The following REPS2 variants were observed in gnomAD, a reference collection of about 807,000 sequenced individuals.
The protein encoded by REPS2 is RALBP1 associated Eps domain containing 2, also known as ralBP1-associated Eps domain-containing protein 2.
In REPS2, 23 loss-of-function variants were observed where a neutral mutation model predicts 53.6. The observed-to-expected ratio is 0.43, with a 90% confidence interval of 0.31 to 0.61. The LOEUF (loss-of-function observed/expected upper bound fraction) is 0.61, where lower values mean the gene tolerates loss of function less well. Ranked by LOEUF, REPS2 falls within the 20% of genes least tolerant of loss-of-function variation. The pLI is 0.11. For missense variants in REPS2, 446 were observed against 534.9 expected (o/e 0.83, Z 1.64); for synonymous variants, 238 against 218.6 (o/e 1.09, Z -0.78).
chrX:17,064,166 C>G lies in REPS2; in HGVS notation c.1209+1634C>G, dbSNP rs139002965. 3.5e-4 allele frequency among the ~76,000 whole-genome samples: 38 copies of G among 109,537 alleles called. 1 individual carries two copies. The East Asian group carries it at 9.8e-3, about 28-fold the overall frequency. ...ACAACAACAAAAAATCCCCTCTTTT[C>G]CAACCAAATTGTTATTTTTGAGGAT... On this transcript the variant is annotated intron_variant, in intron 9 of 17. Coordinates refer to ENST00000357277, the MANE Select transcript of REPS2 (RefSeq NM_004726.3).
chrX:17,085,078 C>T (rs1463234936), intron 13 of REPS2, among the ~76,000 whole-genome samples: 3 of 112,040 alleles, frequency 2.7e-5, no homozygotes, highest in Non-Finnish European at 5.6e-5. Flanking sequence ...AGTCCAAATT[C>T]ATTTTTCTGC....
chrX:17,029,737 C>T, intron 5 of REPS2, 114 bp downstream of exon 5: 1 of 474,172 alleles, frequency 2.1e-6, no homozygotes. Flanking sequence ...AAAACTGATC[C>T]TTCATGCAAA....
chrX:16,956,771 G>A (rs1342485814), intron 1 of REPS2, among the ~76,000 whole-genome samples: 1 of 112,480 alleles, frequency 8.9e-6, no homozygotes, highest in African/African-American at 3.2e-5. Flanking sequence ...GAAGGACAAG[G>A]CCCTCTGGAG....
chrX:16,991,867 G>A (rs1255351440), intron 1 of REPS2, among the ~76,000 whole-genome samples: 1 of 111,678 alleles, frequency 9.0e-6, no homozygotes, highest in African/African-American at 3.3e-5. Context: ...CAAGAAGCCA[G>A]GTGAGACACA....
chrX:16,994,139 A>G (rs891162299), intron 1 of REPS2, among the ~76,000 whole-genome samples: 1 of 112,576 alleles, frequency 8.9e-6, no homozygotes, highest in African/African-American at 3.2e-5. Context: ...ACAATCATCT[A>G]CTGTTCTTGC....
the REPS2 span, among the ~76,000 whole-genome samples, chrX:17,164,995 G>A: frequency 9.1e-6 from 1 of 110,270 alleles, no homozygotes; most frequent in Admixed American, 9.7e-5. Flanking sequence ...TTTTCTGCAG[G>A]GGTTATTTCT....
chrX:17,087,990 AAGAT>A (rs931664258), intron 13 of REPS2, among the ~76,000 whole-genome samples: 20 of 109,782 alleles, frequency 1.8e-4, no homozygotes, highest in South Asian at 1.6e-3. Flanking sequence ...AAAGATACAT[AAGAT>A]AGATAGATAG....
chrX:16,951,334 G>A (rs1334761321), intron 1 of REPS2, among the ~76,000 whole-genome samples: 1 of 111,472 alleles, frequency 9.0e-6, no homozygotes, highest in Non-Finnish European at 1.9e-5. Flanking sequence ...AGTCAGCACA[G>A]GGAAATAAAT....
At chrX:17,018,691 T>C (rs926710804) in intron 2 of REPS2, among the ~76,000 whole-genome samples, 2 of 109,460 alleles carry the variant, frequency 1.8e-5, no homozygotes, top group Non-Finnish European at 3.8e-5. Context: ...TGATGGAACA[T>C]GAGTTCTCTG....
At chrX:17,112,359 G>C (rs1342987073) in intron 14 of REPS2, among the ~76,000 whole-genome samples, 1 of 111,677 alleles carries the variant, frequency 9.0e-6, no homozygotes, top group Non-Finnish European at 1.9e-5. Context: ...TAGAAAGCTT[G>C]AACAATACCA....
chrX:16,986,995 G>A (rs2061099775), intron 1 of REPS2, among the ~76,000 whole-genome samples: 1 of 107,613 alleles, frequency 9.3e-6, no homozygotes, highest in South Asian at 4.3e-4. Context: ...CTGCAGCCAC[G>A]ATCTCCTGGG....
rs770109996 is a variant in REPS2, at chrX:17,062,488, T to C, written c.1165T>C (p.Ser389Pro). 67 of 1,204,331 alleles carry C rather than the reference T, an allele frequency of 5.6e-5. No individual in the cohort carries two copies. The South Asian group carries it at 1.1e-3, about 21-fold the overall frequency. ...TCAATTATTTGATTCTTATTCTGAG[T>C]CACTGCCGGCAAATCAACAACCTCG... ...DCQLFDSYSE[S>P]LPANQQPRDL... Residue 389 changes from serine (S) to proline (P), a missense_variant, in exon 9 of 18, where the codon TCA becomes CCA. Coordinates refer to ENST00000357277, the MANE Select transcript of REPS2 (RefSeq NM_004726.3).
At chrX:17,108,969 TA>T (rs747801585) in intron 14 of REPS2, among the ~76,000 whole-genome samples, 307 of 92,853 alleles carry the variant, frequency 3.3e-3, no homozygotes, top group Middle Eastern at 5.4e-3. Context: ...ACTGCAGATT[TA>T]AAAAAAAAAA....
intron 1 of REPS2, among the ~76,000 whole-genome samples, chrX:16,966,696 T>C (rs1057490429): frequency 3.3e-4 from 37 of 112,088 alleles, no homozygotes; most frequent in Non-Finnish European, 3.8e-5. Context: ...GGATGCTTAA[T>C]CTGCAGCTCT....
In REPS2 at chrX:17,039,823, C is replaced by T. The variant is rs761808891; in HGVS notation, c.772-7524C>T. Reference sequence around the variant, plus strand: ...AAAATGGGAATTACCGGATTTACCTCGCAGGGTTGTGAAGATGAAAATTGA... The same window carrying T: ...AAAATGGGAATTACCGGATTTACCTTGCAGGGTTGTGAAGATGAAAATTGA... On this transcript the variant is annotated intron_variant, in intron 5 of 17. Coordinates refer to ENST00000357277, the MANE Select transcript of REPS2 (RefSeq NM_004726.3). Among the ~76,000 whole-genome samples the T allele has an allele frequency of 5.3e-5, 6 of 112,392 alleles. No individual in the cohort carries two copies. In the South Asian group the frequency reaches 1.1e-3, roughly 21 times the overall value.
chrX:17,176,986 C>T, the REPS2 span, among the ~76,000 whole-genome samples: 1 of 112,394 alleles, frequency 8.9e-6, no homozygotes, highest in Non-Finnish European at 1.9e-5. Context: ...CTTAGCTCTG[C>T]TGGCTTCAGA....
At chrX:17,000,046 C>CAAA (rs61082179) in intron 1 of REPS2, among the ~76,000 whole-genome samples, 32 of 26,868 alleles carry the variant, frequency 1.2e-3, no homozygotes, top group African/African-American at 3.5e-3. Context: ...GACTCCGTCT[C>CAAA]AAAAAAAAAA....
At chrX:17,044,495 C>T (rs759893414) in intron 5 of REPS2, 18 of 114,943 alleles carry the variant, frequency 1.6e-4, no homozygotes, top group Admixed American at 5.4e-4. Flanking sequence ...GCAGCTGCAG[C>T]TGTGATAAGG....
chrX:16,947,629 A>G (rs1035391073), intron 1 of REPS2, among the ~76,000 whole-genome samples: 1 of 112,122 alleles, frequency 8.9e-6, no homozygotes, highest in Non-Finnish European at 1.9e-5. Context: ...GTTGTAATAT[A>G]TAAGTATCTA....
Sources: gnomAD v4.1 joint callset for allele counts (sites outside exome capture counted in the v4.1 genomes callset) on GRCh38, gnomAD v4.1.1 for gene constraint, MANE v1.5 for transcripts, NCBI Gene and HGNC (gene_info 2026-07-23, HGNC 2026-07-21) for gene names.